The following FILIP1L variants were observed in gnomAD, a reference collection of about 807,000 sequenced individuals.
FILIP1L encodes filamin A interacting protein 1 like.
FILIP1L carries 55 observed loss-of-function variants against 96.6 expected under a neutral mutation model. The ratio of observed to expected loss-of-function variants is 0.57; its 90% CI spans 0.46 to 0.71. The LOEUF (loss-of-function observed/expected upper bound fraction) is 0.71. Among genes scored for constraint, FILIP1L ranks in the 30% least tolerant of loss-of-function variants. The pLI is 0.00. For missense variants in FILIP1L, 1,304 were observed against 1,321.2 expected (o/e 0.99, Z 0.20); for synonymous variants, 467 against 473.9 (o/e 0.99, Z 0.19).
chr3:99,841,526 T>A (rs140626738), intron 5 of FILIP1L, among the ~76,000 whole-genome samples: 1 of 152,314 alleles, frequency 6.6e-6, no homozygotes, highest in African/African-American at 2.4e-5. Context: ...CACCTCCACC[T>A]ATCCAAAAGC....
At chr3:99,837,728 G>T (rs1350466528) in intron 5 of FILIP1L, among the ~76,000 whole-genome samples, 1 of 152,186 alleles carries the variant, frequency 6.6e-6, no homozygotes, top group African/African-American at 2.4e-5. Context: ...AAATGATTTT[G>T]GGAGTGCCAG....
At chr3:100,084,978 G>T (rs975847811) in intron 1 of FILIP1L, among the ~76,000 whole-genome samples, 1 of 152,214 alleles carries the variant, frequency 6.6e-6, no homozygotes, top group African/African-American at 2.4e-5. Context: ...CTCTGTCCAT[G>T]TCTTTAGCTT....
At chr3:99,945,751 C>A (rs1210605769) in intron 1 of FILIP1L, among the ~76,000 whole-genome samples, 1 of 152,206 alleles carries the variant, frequency 6.6e-6, no homozygotes, top group East Asian at 1.9e-4. Context: ...TGGGGGCTGG[C>A]AGCCTGTTGA....
At chr3:99,855,114 C>T (rs182843112) in intron 4 of FILIP1L, among the ~76,000 whole-genome samples, 1 of 152,110 alleles carries the variant, frequency 6.6e-6, no homozygotes, top group Admixed American at 6.5e-5. Context: ...ATTAACTCTG[C>T]CAATTGTTGT....
chr3:99,959,104 T>A (rs1476192464), intron 1 of FILIP1L, among the ~76,000 whole-genome samples: 8 of 152,308 alleles, frequency 5.3e-5, no homozygotes, highest in Admixed American at 1.3e-4. Context: ...TTAAAAAAAA[T>A]TCATTGTGTA....
chr3:100,008,115 G>C (rs569948371), intron 1 of FILIP1L, among the ~76,000 whole-genome samples: 1 of 152,006 alleles, frequency 6.6e-6, no homozygotes, highest in Non-Finnish European at 1.5e-5. Flanking sequence ...ACAATAAATT[G>C]CTGCTGCTGT....
At chr3:99,899,344 G>T (rs550217433) in intron 4 of FILIP1L, among the ~76,000 whole-genome samples, 16 of 152,076 alleles carry the variant, frequency 1.1e-4, no homozygotes, top group Non-Finnish European at 2.2e-4. Flanking sequence ...TTCTTATTAT[G>T]ATGCATTCCT....
intron 1 of FILIP1L, among the ~76,000 whole-genome samples, chr3:100,001,473 C>T (rs1166337601): frequency 6.6e-6 from 1 of 152,194 alleles, no homozygotes; most frequent in East Asian, 1.9e-4. Flanking sequence ...TCAATCAGAA[C>T]AACCCAACTG....
At chr3:99,919,465 T>C (rs952792013) in intron 4 of FILIP1L, among the ~76,000 whole-genome samples, 1 of 150,488 alleles carries the variant, frequency 6.6e-6, no homozygotes, top group African/African-American at 2.5e-5. Context: ...TAATCAATTA[T>C]TGTTTTTGTT....
intron 4 of FILIP1L, among the ~76,000 whole-genome samples, chr3:99,907,148 G>C (rs1273148530): frequency 1.3e-5 from 2 of 152,156 alleles, no homozygotes; most frequent in East Asian, 1.9e-4. Context: ...CTTCAACTCA[G>C]ATCTTCAGCT....
intron 4 of FILIP1L, among the ~76,000 whole-genome samples, chr3:99,871,459 A>C (rs1350605029): frequency 1.3e-5 from 2 of 152,182 alleles, no homozygotes; most frequent in African/African-American, 4.8e-5. Context: ...ACTGACCCTG[A>C]AGGAGTTTAT....
intron 1 of FILIP1L, among the ~76,000 whole-genome samples, chr3:100,099,996 A>G (rs1277306427): frequency 2.6e-5 from 4 of 152,200 alleles, no homozygotes; most frequent in Admixed American, 2.6e-4. Context: ...TAGGAGAGAA[A>G]AAAGTTTGAC....
rs145945321 is a variant in FILIP1L, at chr3:99,893,381, G to A, written c.605+30849C>T. Among the ~76,000 whole-genome samples, 687 of 152,036 alleles carry A rather than the reference G, an allele frequency of 4.5e-3. 7 individuals are homozygous for A. Among genetic ancestry groups the A allele is most frequent in the African/African-American group, 0.016 (673 of 41,446 alleles). ...GGGGTTTCACTGTATTAGCCAGAAT[G>A]GTCTCGATCTCCTGACCTCGTGATC... On this transcript the variant is annotated intron_variant, in intron 4 of 5. Coordinates refer to ENST00000477258, the MANE Select transcript of FILIP1L (RefSeq NM_001387850.1).
At chr3:100,064,128 G>C (rs955831411) in intron 1 of FILIP1L, among the ~76,000 whole-genome samples, 4 of 152,218 alleles carry the variant, frequency 2.6e-5, no homozygotes, top group African/African-American at 9.6e-5. Flanking sequence ...GATTTTGAAA[G>C]TGAATTTGAG....
rs374712984 is a variant in FILIP1L at position 99,849,994 on chromosome 3, G to A, written c.1682C>T (p.Thr561Ile). 69 of 1,610,474 alleles carry A rather than the reference G, an allele frequency of 4.3e-5. No individual in the cohort carries two copies. The African/African-American group carries it at 8.7e-4, about 20-fold the overall frequency. ...TDVEEKMYSV[T>I]KERDDLKNKL... ...GTTTTTTAAATCATCTCTCTCCTTG[G>A]TTACGCTGTACATCTTTTCTTCTAC... Residue 561 changes from threonine (T) to isoleucine (I), a missense_variant, in exon 5 of 6, where the codon ACC (threonine) becomes ATC (isoleucine). By Grantham distance (89) the Thr-to-Ile change is moderately conservative. Transcript: ENST00000477258.
intron 1 of FILIP1L, among the ~76,000 whole-genome samples, chr3:100,047,630 G>A (rs35410052): frequency 2.2e-3 from 332 of 152,298 alleles, no homozygotes; most frequent in Non-Finnish European, 3.8e-3. Context: ...TCAACTGCAG[G>A]TGTCTGTCAA....
At chr3:100,014,873 TC>T (rs1335471680) in intron 1 of FILIP1L, among the ~76,000 whole-genome samples, 11 of 143,422 alleles carry the variant, frequency 7.7e-5, no homozygotes, top group South Asian at 2.3e-4. Context: ...CTTTTTCTTT[TC>T]TTTTTTTTTT....
chr3:99,845,459 C>T (rs1455862796), intron 5 of FILIP1L, among the ~76,000 whole-genome samples: 1 of 152,130 alleles, frequency 6.6e-6, no homozygotes, highest in African/African-American at 2.4e-5. Flanking sequence ...TGTGAGCCCT[C>T]ATGGACCAAA....
intron 3 of FILIP1L, among the ~76,000 whole-genome samples, 177 bp downstream of exon 3, chr3:99,929,679 A>G (rs1707413463): frequency 1.3e-5 from 2 of 152,186 alleles, no homozygotes; most frequent in Admixed American, 6.5e-5. Flanking sequence ...CATCCTGTCT[A>G]TGGTTCATTC....
Sources: allele counts gnomAD v4.1 joint callset (sites outside exome capture counted in the v4.1 genomes callset), GRCh38; gene constraint gnomAD v4.1.1; transcripts MANE v1.5; gene names NCBI Gene and HGNC (gene_info 2026-07-23, HGNC 2026-07-21).